The following SPMIP7 variants were observed in gnomAD, a reference collection of about 807,000 sequenced individuals.
The protein encoded by SPMIP7 is protein SPMIP7.
chr7:50,125,377 C>A, the SPMIP7 span, among the ~76,000 whole-genome samples: 1 of 9,732 alleles, frequency 1.0e-4, no homozygotes, highest in African/African-American at 2.6e-4. Flanking sequence ...TATATATACA[C>A]ATATACACAC....
At chr7:50,136,906 CA>C in the SPMIP7 span, among the ~76,000 whole-genome samples, 1 of 152,062 alleles carries the variant, frequency 6.6e-6, no homozygotes. Flanking sequence ...AAGAATATGA[CA>C]TAGTCTGTGT....
At chr7:50,152,662 C>T in the SPMIP7 span, among the ~76,000 whole-genome samples, 10 of 118,306 alleles carry the variant, frequency 8.5e-5, no homozygotes, top group Admixed American at 2.8e-4. Flanking sequence ...GTTTATCACA[C>T]ATTTTATTTA....
chr7:50,145,461 A>T, the SPMIP7 span, among the ~76,000 whole-genome samples: 2 of 149,758 alleles, frequency 1.3e-5, no homozygotes, highest in Non-Finnish European at 3.0e-5. Flanking sequence ...AAATTGAATC[A>T]TCTGTAATGG....
the SPMIP7 span, among the ~76,000 whole-genome samples, chr7:50,098,403 T>C: frequency 6.6e-6 from 1 of 152,234 alleles, no homozygotes; most frequent in South Asian, 2.1e-4. Context: ...ACAGAAGAGA[T>C]AGACCTCATC....
At chr7:50,106,511 C>T in the SPMIP7 span, among the ~76,000 whole-genome samples, 2 of 152,182 alleles carry the variant, frequency 1.3e-5, no homozygotes, top group Non-Finnish European at 2.9e-5. Flanking sequence ...AGACTGCTCT[C>T]ATTTCCAGAA....
chr7:50,149,996 C>T, the SPMIP7 span, among the ~76,000 whole-genome samples: 8 of 152,188 alleles, frequency 5.3e-5, no homozygotes, highest in South Asian at 8.3e-4. Flanking sequence ...CATGGGGAAC[C>T]GGGGACTGAA....
At chr7:50,121,377 T>C in the SPMIP7 span, 1 of 152,244 alleles carries the variant, frequency 6.6e-6, no homozygotes. Flanking sequence ...AGTAAATTCT[T>C]AGAACATGCA....
chr7:50,100,806 C>T, the SPMIP7 span, among the ~76,000 whole-genome samples: 5 of 13,870 alleles, frequency 3.6e-4, no homozygotes, highest in East Asian at 5.9e-3. Flanking sequence ...AGTGAGATGC[C>T]GTCCAAAAAT....
the SPMIP7 span, among the ~76,000 whole-genome samples, chr7:50,134,807 TGCCATAGCCAGA>T: frequency 6.6e-6 from 1 of 152,248 alleles, no homozygotes; most frequent in Non-Finnish European, 1.5e-5. Flanking sequence ...ATCATATCTA[TGCCATAGCCAGA>T]TAACTTTTCG....
chr7:50,103,529 A>G, the SPMIP7 span, among the ~76,000 whole-genome samples: 2 of 152,112 alleles, frequency 1.3e-5, no homozygotes, highest in African/African-American at 2.4e-5. Flanking sequence ...AATCTGCTAT[A>G]CCTAACATTT....
chr7:50,122,821 C>A, the SPMIP7 span, among the ~76,000 whole-genome samples: 2 of 152,212 alleles, frequency 1.3e-5, no homozygotes, highest in Admixed American at 1.3e-4. Flanking sequence ...AAAAAATGCT[C>A]ATCATCACTG....
At chr7:50,124,652 A>G in the SPMIP7 span, among the ~76,000 whole-genome samples, 2 of 152,202 alleles carry the variant, frequency 1.3e-5, no homozygotes, top group African/African-American at 4.8e-5. Flanking sequence ...AAGAAGTCAC[A>G]AGATAAATTA....
At chr7:50,122,204 A>G in the SPMIP7 span, among the ~76,000 whole-genome samples, 1 of 152,208 alleles carries the variant, frequency 6.6e-6, no homozygotes, top group African/African-American at 2.4e-5. Context: ...TGACAACTGT[A>G]GAGTAAGAGA....
At chr7:50,112,429 A>G in the SPMIP7 span, among the ~76,000 whole-genome samples, 1 of 152,098 alleles carries the variant, frequency 6.6e-6, no homozygotes, top group African/African-American at 2.4e-5. Context: ...AACACCCCTG[A>G]CCTCACCCAC....
chr7:50,130,334 G>A, the SPMIP7 span, among the ~76,000 whole-genome samples: 2 of 152,090 alleles, frequency 1.3e-5, no homozygotes, highest in African/African-American at 4.8e-5. Context: ...AGGCAAGGAG[G>A]AGCAAAGTTA....
At chr7:50,132,145 T>A in the SPMIP7 span, among the ~76,000 whole-genome samples, 2 of 152,132 alleles carry the variant, frequency 1.3e-5, no homozygotes, top group Non-Finnish European at 2.9e-5. Flanking sequence ...GAGGAAAAAG[T>A]CTTGTTCATC....
the SPMIP7 span, chr7:50,159,038 T>C: frequency 3.2e-6 from 5 of 1,551,594 alleles, no homozygotes; most frequent in Non-Finnish European, 4.4e-6. Context: ...TTTCCCATCC[T>C]GCCCCAGCGT....
chr7:50,157,298 A>G, the SPMIP7 span, among the ~76,000 whole-genome samples: 2 of 152,196 alleles, frequency 1.3e-5, no homozygotes, highest in Non-Finnish European at 2.9e-5. Flanking sequence ...GGGACAGTTC[A>G]AAGAGATTTG....
the SPMIP7 span, among the ~76,000 whole-genome samples, chr7:50,158,725 C>T: frequency 6.6e-6 from 1 of 151,940 alleles, no homozygotes; most frequent in African/African-American, 2.4e-5. Flanking sequence ...GAGGAGACTC[C>T]TCTTGATTCC....
Sources: gnomAD v4.1 joint callset for allele counts (sites outside exome capture counted in the v4.1 genomes callset) on GRCh38, gnomAD v4.1.1 for gene constraint, MANE v1.5 for transcripts, NCBI Gene and HGNC (gene_info 2026-07-23, HGNC 2026-07-21) for gene names.